DRC11: variants seen among roughly 807,000 people sequenced by gnomAD.
DRC11 encodes IQ and AAA domain-containing protein 1.
At chr2:236,384,538 T>C in the DRC11 span, among the ~76,000 whole-genome samples, 1 of 152,232 alleles carries the variant, frequency 6.6e-6, no homozygotes, top group African/African-American at 2.4e-5. Context: ...TTGTTTGAGT[T>C]CATTGTAGAT....
At chr2:236,433,526 A>C in the DRC11 span, among the ~76,000 whole-genome samples, 2 of 152,274 alleles carry the variant, frequency 1.3e-5, no homozygotes, top group Non-Finnish European at 2.9e-5. Context: ...GGTCTCTTAC[A>C]TTACATTTTC....
At chr2:236,489,070 G>A in the DRC11 span, among the ~76,000 whole-genome samples, 2 of 146,692 alleles carry the variant, frequency 1.4e-5, no homozygotes, top group Non-Finnish European at 1.5e-5. Flanking sequence ...GGCTCCGGGT[G>A]CATGCTGGGG....
chr2:236,388,103 T>C, the DRC11 span, among the ~76,000 whole-genome samples: 3 of 152,182 alleles, frequency 2.0e-5, no homozygotes, highest in South Asian at 6.2e-4. Context: ...CATTTTTTCC[T>C]TCATTTCAAC....
the DRC11 span, among the ~76,000 whole-genome samples, chr2:236,336,575 C>CT: frequency 0.15 from 22,319 of 151,922 alleles, 1,796 homozygotes; most frequent in Admixed American, 0.19. This position sits in a 1 kb window ranked among gnomAD's most constrained non-coding sequence, Gnocchi z 7.3. Context: ...TCCCAACACC[C>CT]TCCCCAGAGC....
the DRC11 span, chr2:236,331,432 A>C: frequency 6.2e-7 from 1 of 1,613,952 alleles, no homozygotes; most frequent in Non-Finnish European, 8.5e-7. The surrounding 1 kb of genome is among the most constrained non-coding windows in gnomAD (Gnocchi z 4.8). Context: ...AACTGCAGTG[A>C]GAGGTTTATG....
chr2:236,394,163 G>A, the DRC11 span, among the ~76,000 whole-genome samples: 1 of 152,122 alleles, frequency 6.6e-6, no homozygotes, highest in Non-Finnish European at 1.5e-5. This position sits in a 1 kb window ranked among gnomAD's most constrained non-coding sequence, Gnocchi z 7.0. Context: ...GATAATGCAG[G>A]ACAGCAGCTA....
At chr2:236,412,056 A>C in the DRC11 span, among the ~76,000 whole-genome samples, 5 of 151,282 alleles carry the variant, frequency 3.3e-5, no homozygotes, top group Non-Finnish European at 2.9e-5. Context: ...TAATAAAAAA[A>C]AAAGAAAAAA....
the DRC11 span, chr2:236,338,422 A>G: frequency 3.2e-6 from 5 of 1,547,154 alleles, no homozygotes; most frequent in Non-Finnish European, 4.4e-6. Context: ...ATATAGAAAA[A>G]AAGAATGAAA....
chr2:236,311,314 T>G, the DRC11 span, among the ~76,000 whole-genome samples: 1 of 152,266 alleles, frequency 6.6e-6, no homozygotes, highest in East Asian at 1.9e-4. The surrounding 1 kb of genome is among the most constrained non-coding windows in gnomAD (Gnocchi z 6.9). Context: ...CTCCACAGGG[T>G]TGGAGGCAGC....
chr2:236,363,720 G>A, the DRC11 span: 381 of 1,284,746 alleles, frequency 3.0e-4, 2 homozygotes, highest in South Asian at 3.3e-3. The surrounding 1 kb of genome is among the most constrained non-coding windows in gnomAD (Gnocchi z 5.6). Flanking sequence ...TATCTGCAGG[G>A]TTTGAAAATG....
the DRC11 span, among the ~76,000 whole-genome samples, chr2:236,389,128 C>T: frequency 6.6e-6 from 1 of 152,204 alleles, no homozygotes; most frequent in African/African-American, 2.4e-5. Context: ...TGTCTGTGCC[C>T]CGCCCCCAGA....
At chr2:236,463,368 C>T in the DRC11 span, among the ~76,000 whole-genome samples, 2 of 152,182 alleles carry the variant, frequency 1.3e-5, no homozygotes, top group African/African-American at 4.8e-5. The surrounding 1 kb of genome is among the most constrained non-coding windows in gnomAD (Gnocchi z 5.0). Flanking sequence ...ACAGAATTTA[C>T]ACAACATCAA....
the DRC11 span, among the ~76,000 whole-genome samples, chr2:236,395,876 T>TC: frequency 6.6e-6 from 1 of 152,270 alleles, no homozygotes; most frequent in East Asian, 1.9e-4. Flanking sequence ...TTTCACTAGA[T>TC]TCACTAAAAT....
chr2:236,373,589 T>A, the DRC11 span, among the ~76,000 whole-genome samples: 2 of 152,364 alleles, frequency 1.3e-5, no homozygotes, highest in Middle Eastern at 3.4e-3. Context: ...TAGGTTTCAG[T>A]ATAGACCTGC....
the DRC11 span, among the ~76,000 whole-genome samples, chr2:236,307,287 C>T: frequency 6.6e-6 from 1 of 152,102 alleles, no homozygotes; most frequent in Admixed American, 6.5e-5. The surrounding 1 kb of genome is among the most constrained non-coding windows in gnomAD (Gnocchi z 7.0). Context: ...TCAAGCAGAC[C>T]CCCTGGCTCC....
chr2:236,501,948 A>G, the DRC11 span, among the ~76,000 whole-genome samples: 1 of 152,224 alleles, frequency 6.6e-6, no homozygotes, highest in Non-Finnish European at 1.5e-5. Context: ...AACACAGAGG[A>G]AAGCATAACT....
chr2:236,356,619 G>A, the DRC11 span, among the ~76,000 whole-genome samples: 4 of 151,996 alleles, frequency 2.6e-5, no homozygotes, highest in African/African-American at 9.7e-5. Context: ...AAATGGGCAC[G>A]TTAATTCCTA....
chr2:236,373,312 A>G, the DRC11 span, among the ~76,000 whole-genome samples: 1 of 148,004 alleles, frequency 6.8e-6, no homozygotes, highest in East Asian at 2.0e-4. Context: ...GCTGCAGTGC[A>G]TTGGCACAAT....
chr2:236,486,832 A>G, the DRC11 span: 2 of 1,607,066 alleles, frequency 1.2e-6, no homozygotes, highest in Non-Finnish European at 1.7e-6. This position sits in a 1 kb window ranked among gnomAD's most constrained non-coding sequence, Gnocchi z 5.7. Flanking sequence ...AACTTACCAT[A>G]CCCAGGAAGA....
Sources: allele counts gnomAD v4.1 joint callset (sites outside exome capture counted in the v4.1 genomes callset), GRCh38; gene constraint gnomAD v4.1.1; non-coding constraint Gnocchi (gnomAD v3.1); transcripts MANE v1.5; gene names NCBI Gene and HGNC (gene_info 2026-07-23, HGNC 2026-07-21).